NDUFAF7: variants seen among roughly 807,000 people sequenced by gnomAD.
The protein encoded by NDUFAF7 is protein arginine methyltransferase NDUFAF7, mitochondrial.
NDUFAF7 carries 48 observed loss-of-function variants against 47.2 expected under a neutral mutation model. The observed-to-expected ratio is 1.02, with a 90% confidence interval of 0.81 to 1.29. The LOEUF (loss-of-function observed/expected upper bound fraction) is 1.29, where lower values mean the gene tolerates loss of function less well. Among genes scored for constraint, NDUFAF7 ranks in the 50% most tolerant of loss-of-function variants. The pLI is 0.00. For synonymous variants in NDUFAF7, 217 were observed against 190.0 expected (o/e 1.14, Z -1.17); for missense variants, 635 against 537.6 (o/e 1.18, Z -1.79).
chr2:37,269,296 AATAAGCCC>A, the NDUFAF7 span: 1 of 307,514 alleles, frequency 3.3e-6, no homozygotes, highest in Non-Finnish European at 6.4e-6. Context: ...TACTTCAATG[AATAAGCCC>A]ACTCAGCCCA....
chr2:37,238,209 AT>A (rs1665993224), intron 4 of NDUFAF7, among the ~76,000 whole-genome samples: 1 of 152,152 alleles, frequency 6.6e-6, no homozygotes, highest in African/African-American at 2.4e-5. Flanking sequence ...AGGTGGGCAG[AT>A]CACAAGGTCA....
At chr2:37,255,481 C>T (rs1053973084), downstream of NDUFAF7, among the ~76,000 whole-genome samples, 7 of 152,076 alleles carry the variant, frequency 4.6e-5, no homozygotes, top group South Asian at 2.1e-4. Flanking sequence ...TTATTCTTGA[C>T]GGGTACAGAA....
chr2:37,256,625 A>G, downstream of NDUFAF7: 1 of 1,339,332 alleles, frequency 7.5e-7, no homozygotes, highest in South Asian at 1.5e-5. Context: ...ACACATAGCC[A>G]AAATTTTTTT....
rs571393341 is a variant in NDUFAF7 at position 37,232,219 on chromosome 2, A to G, written c.169A>G (p.Ile57Val). ...LMYKIKSTGP[I>V]TVAEYMKEVL... ...GTACAAAATAAAGTCTACTGGTCCC[A>G]TCACTGTGGCCGAGTACATGAAGGA... Residue 57 changes from isoleucine (I) to valine (V), a missense_variant, in exon 2 of 10, where the codon ATC becomes GTC. By Grantham distance (29) the Ile-to-Val change is conservative (BLOSUM62 3). Coordinates refer to ENST00000002125, the MANE Select transcript of NDUFAF7 (RefSeq NM_144736.5). 1.2e-6 allele frequency: 2 copies of G among 1,613,752 alleles called. No homozygotes were observed. The highest frequency in any genetic ancestry group is 1.3e-5 in the African/African-American group (1 of 74,924).
At chr2:37,233,558 G>A (rs2714475) in intron 2 of NDUFAF7, among the ~76,000 whole-genome samples, 1 of 150,368 alleles carries the variant, frequency 6.7e-6, no homozygotes, top group African/African-American at 2.5e-5. Flanking sequence ...GGACGCAGAG[G>A]TTGCAGTGAG....
At chr2:37,271,162 T>C in the NDUFAF7 span, among the ~76,000 whole-genome samples, 1 of 152,074 alleles carries the variant, frequency 6.6e-6, no homozygotes, top group Admixed American at 6.5e-5. Context: ...AGTAGAAAAA[T>C]AGAGATTTTA....
the NDUFAF7 span, among the ~76,000 whole-genome samples, chr2:37,261,314 C>T: frequency 6.6e-6 from 1 of 150,864 alleles, no homozygotes; most frequent in African/African-American, 2.4e-5. Flanking sequence ...CGGTGAAATC[C>T]TGTCTCTACC....
At chr2:37,253,225 C>CT, downstream of NDUFAF7, 1 of 1,612,534 alleles carries the variant, frequency 6.2e-7, no homozygotes, top group Non-Finnish European at 8.5e-7. Context: ...TAATGAAGTG[C>CT]TTTGGGTATA....
chr2:37,266,492 T>C, the NDUFAF7 span, among the ~76,000 whole-genome samples: 1 of 151,464 alleles, frequency 6.6e-6, no homozygotes, highest in African/African-American at 2.4e-5. Context: ...CACCCGGCTT[T>C]TTTTTTTTTT....
chr2:37,270,357 A>AG, the NDUFAF7 span, among the ~76,000 whole-genome samples: 24 of 149,998 alleles, frequency 1.6e-4, no homozygotes, highest in African/African-American at 5.8e-4. Flanking sequence ...TTTGGAAAAA[A>AG]AAAAAAAAAA....
Position 37,232,312 on chromosome 2 carries a change from G to A in NDUFAF7, c.216+46G>A, listed in dbSNP as rs1424401705. On this transcript the variant is annotated intron_variant, in intron 2 of 9. Transcript: ENST00000002125. ...GGACTAGGCCCTCTCTAGCCGATTT[G>A]CGAGGTGCAAGCCAGGAGGGAGAAG... The A allele has an allele frequency of 3.7e-6, 6 of 1,609,880 alleles. No homozygotes were observed. The African/African-American group carries it at 8.0e-5, about 22-fold the overall frequency.
intron 2 of NDUFAF7, among the ~76,000 whole-genome samples, chr2:37,233,674 G>A (rs59559471): frequency 2.0e-5 from 3 of 151,276 alleles, no homozygotes; most frequent in East Asian, 1.9e-4. Context: ...GACTGGGCAG[G>A]CATATATACA....
chr2:37,265,792 G>A, the NDUFAF7 span, among the ~76,000 whole-genome samples: 1 of 152,142 alleles, frequency 6.6e-6, no homozygotes, highest in Admixed American at 6.5e-5. Flanking sequence ...GGGCAATATT[G>A]ATGAAAGTAA....
intron 4 of NDUFAF7, among the ~76,000 whole-genome samples, chr2:37,241,134 C>G (rs1267344006): frequency 1.3e-5 from 2 of 151,940 alleles, no homozygotes; most frequent in Non-Finnish European, 2.9e-5. Context: ...TGGCAGACCC[C>G]CGAGTTAAGC....
chr2:37,261,315 T>C, the NDUFAF7 span, among the ~76,000 whole-genome samples: 1 of 150,918 alleles, frequency 6.6e-6, no homozygotes, highest in African/African-American at 2.4e-5. Context: ...GGTGAAATCC[T>C]GTCTCTACCA....
At chr2:37,243,248 C>T (rs562820655) in intron 6 of NDUFAF7, among the ~76,000 whole-genome samples, 2 of 152,150 alleles carry the variant, frequency 1.3e-5, no homozygotes, top group South Asian at 4.2e-4. Flanking sequence ...GTCAGGAGTT[C>T]AAGACCAGCC....
rs770930117 is a variant in NDUFAF7 at position 37,231,695 on chromosome 2, C to A, written c.-11C>A. ...GCTCCTGGCGGAGCGAGCTAGCCTG[C>A]GAATTTCAGCATGAGTGTACTGCTG... On this transcript the variant is annotated 5_prime_UTR_variant, in exon 1 of 10. Coordinates refer to ENST00000002125, the MANE Select transcript of NDUFAF7 (RefSeq NM_144736.5). The A allele has an allele frequency of 6.2e-6, 10 of 1,614,084 alleles. No individual in the cohort carries two copies. The Admixed American group carries it at 1.3e-4, about 22-fold the overall frequency.
At chr2:37,238,017 A>C (rs1300584566) in intron 4 of NDUFAF7, 150 bp downstream of exon 4, 1 of 557,598 alleles carries the variant, frequency 1.8e-6, no homozygotes, top group Non-Finnish European at 2.9e-6. Flanking sequence ...ATCAGTCATT[A>C]CTTACTGTTG....
At position 37,232,137 on chromosome 2, in the gene NDUFAF7, C is replaced by A; in HGVS notation, c.87C>A (p.Phe29Leu). ...AIPFIWRGKY[F>L]SSGNEPAENP... ...CTTTTATTTGGAGAGGGAAATACTT[C>A]AGCTCCGGGAATGAGCCTGCAGAAA... Residue 29 changes from phenylalanine to leucine, a missense_variant, in exon 2 of 10, where the codon TTC (phenylalanine) becomes TTA (leucine). By Grantham distance (22) the Phe-to-Leu change is conservative. Coordinates refer to ENST00000002125, the MANE Select transcript of NDUFAF7 (RefSeq NM_144736.5). 6 of 1,614,196 alleles carry A rather than the reference C, an allele frequency of 3.7e-6. No homozygotes were observed. Among genetic ancestry groups the A allele is most frequent in the Non-Finnish European group, 3.4e-6 (4 of 1,180,030 alleles).
Sources: gnomAD v4.1 joint callset for allele counts (sites outside exome capture counted in the v4.1 genomes callset) on GRCh38, gnomAD v4.1.1 for gene constraint, MANE v1.5 for transcripts, NCBI Gene and HGNC (gene_info 2026-07-23, HGNC 2026-07-21) for gene names.